Variants in ORC3 observed in about 807,000 individuals in gnomAD.
The protein encoded by ORC3 is origin recognition complex subunit 3.
ORC3 carries 78 observed loss-of-function variants against 100.7 expected under a neutral mutation model. The observed-to-expected ratio is 0.77, with a 90% CI of 0.65 to 0.94. The LOEUF is 0.94. Ranked by LOEUF, ORC3 falls within the 40% of genes least tolerant of loss-of-function variation. The pLI is 0.00. For missense variants in ORC3, 789 were observed against 823.9 expected, an observed-to-expected ratio of 0.96 and a Z score of 0.52; for synonymous variants, 295 against 289.3, an observed-to-expected ratio of 1.02 and a Z score of -0.20.
chr6:87,607,758 C>G lies in ORC3; in HGVS notation c.513C>G (p.His171Gln). ...AATCCAAAGAGGAGGAAAGTGTTCA[C>G]GTCACCCAAAGAAAGACACATTATT... is the stretch of plus-strand genomic sequence containing the variant. ...DIKSKEEESVHVTQRKTHYSM... is the reference protein window; with the variant it reads ...DIKSKEEESVQVTQRKTHYSM... Residue 171 changes from histidine to glutamine, a missense_variant, in exon 6 of 20, where the codon CAC (histidine) becomes CAG (glutamine). This residue lies in a region of ORC3 where 399 missense variants were observed against 382.0 expected (regional missense o/e 1.04). Transcript: ENST00000392844. 1 of 1,611,846 alleles carries G rather than the reference C, an allele frequency of 6.2e-7. No individual in the cohort carries two copies. The highest frequency in any genetic ancestry group is 8.5e-7 in the Non-Finnish European group (1 of 1,178,138).
intron 18 of ORC3, among the ~76,000 whole-genome samples, 188 bp from the exon 19 acceptor site, chr6:87,665,566 C>T (rs1770530247): frequency 6.6e-6 from 1 of 152,048 alleles, no homozygotes. Flanking sequence ...CAAGATTATT[C>T]AGGAACCATT....
chr6:87,646,017 T>TG (rs1768754585), intron 13 of ORC3, among the ~76,000 whole-genome samples: 1 of 149,540 alleles, frequency 6.7e-6, no homozygotes, highest in South Asian at 2.1e-4. Context: ...GGCGGAGTCT[T>TG]GCGCTGTTGC....
intron 3 of ORC3, among the ~76,000 whole-genome samples, chr6:87,602,956 T>TATATATATATATATATATA (rs1778056703): frequency 1.1e-5 from 1 of 91,338 alleles, no homozygotes; most frequent in Non-Finnish European, 2.1e-5. Flanking sequence ...ACATATATAA[T>TATATATATATATATATATA]ATATATATAT....
intron 8 of ORC3, among the ~76,000 whole-genome samples, chr6:87,612,607 A>G (rs752912291): frequency 6.6e-6 from 1 of 151,954 alleles, no homozygotes; most frequent in Non-Finnish European, 1.5e-5. Context: ...TTACATTTTG[A>G]TTTTTCTAAT....
At chr6:87,653,044 TA>T in intron 13 of ORC3, 71 bp from the exon 14 acceptor site, 1 of 1,177,240 alleles carries the variant, frequency 8.5e-7, no homozygotes, top group Non-Finnish European at 1.2e-6. Flanking sequence ...TTAATATGTA[TA>T]TTAAATAAAA....
intron 6 of ORC3, among the ~76,000 whole-genome samples, chr6:87,608,727 A>G (rs1400241087): frequency 6.6e-6 from 1 of 150,850 alleles, no homozygotes; most frequent in Non-Finnish European, 1.5e-5. Context: ...ACTATTCATT[A>G]TATTTTTTTC....
chr6:87,647,081 C>G (rs188971438), intron 13 of ORC3, among the ~76,000 whole-genome samples: 33 of 152,298 alleles, frequency 2.2e-4, no homozygotes, highest in Non-Finnish European at 4.3e-4. Context: ...TTGCAGTAGC[C>G]TCCTTTCTGG....
chr6:87,620,004 A>T (rs1464582806), intron 9 of ORC3, among the ~76,000 whole-genome samples: 1 of 152,234 alleles, frequency 6.6e-6, no homozygotes, highest in Admixed American at 6.5e-5. Flanking sequence ...GTACAGCAGG[A>T]CATATTATCA....
Position 87,594,350 on chromosome 6 carries a change from T to G in ORC3, c.25-3T>G, listed in dbSNP as rs778195913. 2 of 1,577,342 alleles carry G rather than the reference T, an allele frequency of 1.3e-6. No homozygotes were observed. The highest frequency in any genetic ancestry group is 4.5e-5 in the East Asian group (2 of 44,494). On this transcript the variant is annotated splice_region_variant and splice_polypyrimidine_tract_variant and intron_variant, in intron 1 of 19. Transcript: ENST00000392844. ...TTTATGCTTTTCGTCTTTCTTTTTA[T>G]AGGGTTGCTTTGTTTTTAAGCCAAA...
chr6:87,653,047 T>G (rs1769398315), intron 13 of ORC3, 69 bp from the exon 14 acceptor site: 2 of 1,226,530 alleles, frequency 1.6e-6, no homozygotes, highest in Admixed American at 2.2e-5. Flanking sequence ...ATATGTATAT[T>G]AAATAAAATG....
At position 87,603,397 on chromosome 6, in the gene ORC3, A is replaced by T. The variant is rs781419477; in HGVS notation, c.191A>T (p.Glu64Val). The T allele has an allele frequency of 4.0e-6, 6 of 1,498,084 alleles. No homozygotes were observed. The Admixed American group carries it at 1.0e-4, about 26-fold the overall frequency. 92.8% of individuals were successfully genotyped at this position (1,498,084 alleles called of 1,614,324 possible). The change falls in exon 4 of 20, where the codon GAA becomes GTA. Residue 64 changes from glutamate (E) to valine (V), a missense_variant. Glu to Val is a moderately radical substitution (Grantham distance 121). This residue lies in a region of ORC3 where 399 missense variants were observed against 382.0 expected (regional missense o/e 1.04). Transcript: ENST00000392844. ...MKSENERLQEELNKNLFDNLI... is the reference protein window; with the variant it reads ...MKSENERLQEVLNKNLFDNLI... ...TGTTCTTTGTAGCGACTACAAGAGG[A>T]ATTAAATAAAAACTTGTTTGACAAT...
intron 13 of ORC3, among the ~76,000 whole-genome samples, chr6:87,640,403 T>C (rs1768156042): frequency 6.6e-6 from 1 of 152,232 alleles, no homozygotes; most frequent in South Asian, 2.1e-4. Context: ...CATGCAAGTG[T>C]TCATTTATAA....
chr6:87,635,355 C>T (rs956313119), intron 12 of ORC3, among the ~76,000 whole-genome samples: 1 of 152,204 alleles, frequency 6.6e-6, no homozygotes, highest in Non-Finnish European at 1.5e-5. Flanking sequence ...AGAAGCAGTA[C>T]TTCTGCTGCT....
At chr6:87,619,795 T>C (rs553193530) in intron 9 of ORC3, among the ~76,000 whole-genome samples, 1 of 152,322 alleles carries the variant, frequency 6.6e-6, no homozygotes, top group East Asian at 1.9e-4. Context: ...GTCACACCAC[T>C]AACAAGTGAC....
intron 8 of ORC3, 64 bp downstream of exon 8, chr6:87,612,312 A>AAC: frequency 2.6e-6 from 3 of 1,133,420 alleles, no homozygotes; most frequent in Non-Finnish European, 3.8e-6. Context: ...ATAGATTGTT[A>AAC]AGATAACTGT....
chr6:87,633,147 C>T (rs1767557504), intron 11 of ORC3, among the ~76,000 whole-genome samples: 1 of 152,128 alleles, frequency 6.6e-6, no homozygotes, highest in South Asian at 2.1e-4. Context: ...TTCCACAAGG[C>T]AAAAGAAAAT....
chr6:87,601,824 T>G lies in ORC3; in HGVS notation c.120T>G (p.Ser40Arg). The change falls in exon 3 of 20, where the codon AGT (serine) becomes AGG (arginine). Residue 40 changes from serine to arginine, a missense_variant. Ser to Arg is a moderately radical substitution (Grantham distance 110). Coordinates refer to ENST00000392844, the MANE Select transcript of ORC3 (RefSeq NM_012381.4). ...AAGGGAAAAATGAGCCTGAGGACAG[T>G]AAGCTTCGATTCGAAACTTATCAGT... ...FNKGKNEPED[S>R]KLRFETYQLI... 5 of 1,611,738 alleles carry G rather than the reference T, an allele frequency of 3.1e-6. No homozygotes were observed. The highest frequency in any genetic ancestry group is 4.2e-6 in the Non-Finnish European group (5 of 1,177,812).
At chr6:87,605,313 G>A (rs1778248371) in intron 4 of ORC3, among the ~76,000 whole-genome samples, 1 of 152,158 alleles carries the variant, frequency 6.6e-6, no homozygotes, top group Non-Finnish European at 1.5e-5. Flanking sequence ...TCCTTAAAGA[G>A]CTTGTTAGGA....
rs537452944 is a variant in ORC3, at chr6:87,623,676, G to A, written c.1185+1663G>A. On this transcript the variant is annotated intron_variant, in intron 11 of 19. Transcript: ENST00000392844. The stretch of plus-strand genomic sequence containing the variant: ...GGGTGGGTGGATCACTTGAGGTGAG[G>A]AGTTCAAGACCAGTCTGGCCAACAT... Among the ~76,000 whole-genome samples, 6 of 152,234 alleles carry A rather than the reference G, an allele frequency of 3.9e-5. No homozygotes were observed. In the South Asian group the frequency reaches 1.0e-3, roughly 26 times the overall value.
Sources: allele counts gnomAD v4.1 joint callset (sites outside exome capture counted in the v4.1 genomes callset), GRCh38; gene constraint gnomAD v4.1.1; regional missense constraint gnomAD v4.1.1; transcripts MANE v1.5; gene names NCBI Gene and HGNC (gene_info 2026-07-23, HGNC 2026-07-21).